Variants in CSMD1 observed in about 807,000 individuals in gnomAD.
The protein encoded by CSMD1 is CUB and Sushi multiple domains 1.
CSMD1 carries 213 observed loss-of-function variants against 417.5 expected under a neutral mutation model. That is an observed-to-expected ratio of 0.51 (90% CI 0.46 to 0.57). The LOEUF is 0.57. CSMD1 is among the 20% of genes least tolerant of loss of function. CSMD1 has a pLI of 0.00. For missense variants in CSMD1, 6,923 were observed against 4,529.7 expected (o/e 1.53, Z -15.17); for synonymous variants, 2,862 against 1,736.8 (o/e 1.65, Z -16.11).
chr8:3,411,934 G>A (rs1314687553), intron 12 of CSMD1, among the ~76,000 whole-genome samples: 2 of 109,996 alleles, frequency 1.8e-5, no homozygotes, highest in Admixed American at 1.9e-4. Flanking sequence ...ATATATACAC[G>A]TATATATGCA....
At chr8:3,961,466 G>C (rs1360934163) in intron 5 of CSMD1, among the ~76,000 whole-genome samples, 1 of 152,066 alleles carries the variant, frequency 6.6e-6, no homozygotes, top group Non-Finnish European at 1.5e-5. Flanking sequence ...AATTAAAAAT[G>C]ACATTTTAAA....
chr8:3,606,858 C>T (rs1176795209), intron 8 of CSMD1, among the ~76,000 whole-genome samples: 1 of 151,852 alleles, frequency 6.6e-6, no homozygotes, highest in Non-Finnish European at 1.5e-5. Flanking sequence ...CTACAGGCAC[C>T]TGCCACCACG....
intron 5 of CSMD1, among the ~76,000 whole-genome samples, chr8:3,942,256 C>T (rs1317525670): frequency 6.6e-6 from 1 of 152,074 alleles, no homozygotes; most frequent in African/African-American, 2.4e-5. Flanking sequence ...TAGAAATAAA[C>T]TGCACCATAA....
At chr8:3,938,304 T>G (rs569245395) in intron 5 of CSMD1, among the ~76,000 whole-genome samples, 1 of 152,278 alleles carries the variant, frequency 6.6e-6, no homozygotes, top group African/African-American at 2.4e-5. Flanking sequence ...CTGGAGTTCC[T>G]TAAATAATTT....
At chr8:3,795,317 A>G (rs371500768) in intron 5 of CSMD1, among the ~76,000 whole-genome samples, 1 of 50,912 alleles carries the variant, frequency 2.0e-5, no homozygotes, top group African/African-American at 9.6e-5. Flanking sequence ...TCTATCATGT[A>G]CAGATATAGA....
chr8:3,414,892 T>A (rs1813033203), intron 12 of CSMD1, among the ~76,000 whole-genome samples: 1 of 152,186 alleles, frequency 6.6e-6, no homozygotes, highest in Admixed American at 6.5e-5. Flanking sequence ...GGGGATGGCC[T>A]GTATCCTACG....
intron 1 of CSMD1, among the ~76,000 whole-genome samples, chr8:4,849,239 ATAT>A (rs1044893105): frequency 5.9e-5 from 9 of 152,290 alleles, no homozygotes; most frequent in African/African-American, 2.2e-4. Context: ...AAGAAAGAAA[ATAT>A]TATTGTACAC....
chr8:4,312,279 A>T (rs541073024), intron 3 of CSMD1, among the ~76,000 whole-genome samples: 1 of 151,704 alleles, frequency 6.6e-6, no homozygotes, highest in African/African-American at 2.4e-5. Flanking sequence ...TTTAGCATTG[A>T]TGTATACTCA....
chr8:4,456,923 T>C (rs964131879), intron 2 of CSMD1, among the ~76,000 whole-genome samples: 4 of 151,240 alleles, frequency 2.6e-5, no homozygotes, highest in Admixed American at 2.0e-4. Context: ...CCACCAACTG[T>C]TTATCCTGAG....
chr8:4,104,440 A>ACACGCATG (rs538091990), intron 3 of CSMD1, among the ~76,000 whole-genome samples: 1 of 146,850 alleles, frequency 6.8e-6, no homozygotes, highest in Admixed American at 6.7e-5. Context: ...ACACGCATGC[A>ACACGCATG]CACACACACA....
intron 3 of CSMD1, among the ~76,000 whole-genome samples, chr8:4,276,441 T>C (rs1796492406): frequency 6.6e-6 from 1 of 152,018 alleles, no homozygotes; most frequent in Admixed American, 6.6e-5. Context: ...TCATGGACGC[T>C]TGGAGGGGAA....
At chr8:3,605,876 A>T (rs1801587311) in intron 8 of CSMD1, among the ~76,000 whole-genome samples, 1 of 152,122 alleles carries the variant, frequency 6.6e-6, no homozygotes, top group Non-Finnish European at 1.5e-5. Context: ...GCTTAACTTA[A>T]TTGGTTTAGC....
chr8:3,687,054 G>A (rs902545814), intron 7 of CSMD1, among the ~76,000 whole-genome samples: 1 of 152,128 alleles, frequency 6.6e-6, no homozygotes, highest in African/African-American at 2.4e-5. Context: ...AAATTATGAG[G>A]ATGTGACAGT....
intron 2 of CSMD1, among the ~76,000 whole-genome samples, chr8:4,549,104 G>C (rs750823575): frequency 2.0e-5 from 3 of 151,874 alleles, no homozygotes; most frequent in Non-Finnish European, 4.4e-5. Flanking sequence ...TTTGACTTAA[G>C]AAAAGTGGTC....
At chr8:4,762,076 G>A (rs896933943) in intron 1 of CSMD1, among the ~76,000 whole-genome samples, 1 of 152,048 alleles carries the variant, frequency 6.6e-6, no homozygotes, top group African/African-American at 2.4e-5. Context: ...AATGATGTAA[G>A]TATAGTAGCT....
chr8:4,169,807 C>A (rs1471856606), intron 3 of CSMD1, among the ~76,000 whole-genome samples: 2 of 152,130 alleles, frequency 1.3e-5, no homozygotes, highest in Non-Finnish European at 2.9e-5. Flanking sequence ...CTTCCACCAG[C>A]AGCACTTTCT....
At chr8:3,196,916 A>T (rs1796736704) in intron 33 of CSMD1, among the ~76,000 whole-genome samples, 1 of 152,216 alleles carries the variant, frequency 6.6e-6, no homozygotes, top group Admixed American at 6.5e-5. Context: ...GGATACATCC[A>T]TGCTGAAGGG....
chr8:3,211,935 G>T (rs193160504), intron 30 of CSMD1, among the ~76,000 whole-genome samples: 1 of 152,294 alleles, frequency 6.6e-6, no homozygotes, highest in African/African-American at 2.4e-5. Context: ...TGGAGGTGTG[G>T]CCCACCCTGG....
intron 11 of CSMD1, among the ~76,000 whole-genome samples, chr8:3,471,626 C>G (rs1332006307): frequency 2.0e-5 from 3 of 146,378 alleles, no homozygotes; most frequent in Admixed American, 6.8e-5. Flanking sequence ...CCTTCCCTCC[C>G]TCTCTCCCTC....
Sources: allele counts gnomAD v4.1 joint callset (sites outside exome capture counted in the v4.1 genomes callset), GRCh38; gene constraint gnomAD v4.1.1; transcripts MANE v1.5; gene names NCBI Gene and HGNC (gene_info 2026-07-23, HGNC 2026-07-21).